Variants in CDC42 observed in about 807,000 individuals in gnomAD.
The protein encoded by CDC42 is cell division control protein 42 homolog.
A neutral mutation model predicts 20.8 loss-of-function variants in CDC42; 1 was observed. The ratio of observed to expected loss-of-function variants is 0.05; its 90% CI spans 0.02 to 0.23. The LOEUF (loss-of-function observed/expected upper bound fraction) is 0.23, where lower values mean the gene tolerates loss of function less well. Ranked by LOEUF, CDC42 falls within the 10% of genes least tolerant of loss-of-function variation. CDC42 has a pLI of 1.00. For missense variants in CDC42, 49 were observed against 227.9 expected (o/e 0.21, Z 5.05); for synonymous variants, 72 against 84.8 (o/e 0.85, Z 0.83).
At chr1:22,086,614 T>C in intron 4 of CDC42, 55 bp from the exon 5 acceptor site, 1 of 1,591,212 alleles carries the variant, frequency 6.3e-7, no homozygotes, top group Non-Finnish European at 8.6e-7. Flanking sequence ...CTGTTATAAA[T>C]AGCATTAGAG....
rs1262842519 is a variant in CDC42, at chr1:22,096,848, A to G, written c.*5331A>G. ...GGTTGCTACCTGCTAGAACTGTTAC[A>G]GTAAATACACAGATCTATTTTGTGA... On this transcript the variant is annotated 3_prime_UTR_variant, in exon 6 of 6. Coordinates refer to ENST00000656825, the MANE Select transcript of CDC42 (RefSeq NM_001791.4). Among the ~76,000 whole-genome samples, 1 of 152,264 alleles carries G rather than the reference A, an allele frequency of 6.6e-6. No individual in the cohort carries two copies. Among genetic ancestry groups the G allele is most frequent in the East Asian group, 1.9e-4 (1 of 5,202 alleles).
At chr1:22,071,266 G>C (rs182440296) in intron 1 of CDC42, among the ~76,000 whole-genome samples, 13 of 151,758 alleles carry the variant, frequency 8.6e-5, no homozygotes, top group African/African-American at 1.2e-4. Flanking sequence ...GGATGGTCTC[G>C]ATCTCCTGAC....
In CDC42 at chr1:22,096,817, G is replaced by T. The variant is rs1645761687; in HGVS notation, c.*5300G>T. Reference sequence around the variant, plus strand: ...TAGTGATTTTATTTTCCAAAGCAAGGCATTTGGTTGCTACCTGCTAGAACT... The same window carrying T: ...TAGTGATTTTATTTTCCAAAGCAAGTCATTTGGTTGCTACCTGCTAGAACT... On this transcript the variant is annotated 3_prime_UTR_variant, in exon 6 of 6. Transcript: ENST00000656825. 6.6e-6 allele frequency among the ~76,000 whole-genome samples: 1 copy of T among 152,240 alleles called. No individual in the cohort carries two copies. The highest frequency in any genetic ancestry group is 2.1e-4 in the South Asian group (1 of 4,838).
At chr1:22,058,793 C>T (rs570096318) in intron 1 of CDC42, among the ~76,000 whole-genome samples, 1 of 152,098 alleles carries the variant, frequency 6.6e-6, no homozygotes, top group Admixed American at 6.6e-5. Flanking sequence ...ACCACCGCAC[C>T]CAGCCGAATT....
chr1:22,098,220 C>T lies in CDC42; in HGVS notation c.*6703C>T, dbSNP rs980840030. Among the ~76,000 whole-genome samples the T allele has an allele frequency of 6.6e-6, 1 of 152,108 alleles. No individual in the cohort carries two copies. Among genetic ancestry groups the T allele is most frequent in the African/African-American group, 2.4e-5 (1 of 41,414 alleles). On this transcript the variant is annotated 3_prime_UTR_variant, in exon 6 of 6. Transcript: ENST00000656825. ...GCATTATTACTCCTAACAACGTGCC[C>T]TTTGGCAGGTAGCTTCCACTTTTCT...
At position 22,097,564 on chromosome 1, in the gene CDC42, G is replaced by A. The variant is rs1645766069; in HGVS notation, c.*6047G>A. On this transcript the variant is annotated 3_prime_UTR_variant, in exon 6 of 6. Transcript: ENST00000656825. ...GCCTGAAATGTGTATTCTTAAGTCC[G>A]CCTTTCAAAGTTGAGTACTGCATTC... is the stretch of plus-strand genomic sequence containing the variant. Among the ~76,000 whole-genome samples, 1 of 152,306 alleles carries A rather than the reference G, an allele frequency of 6.6e-6. No homozygotes were observed. The highest frequency in any genetic ancestry group is 1.5e-5 in the Non-Finnish European group (1 of 68,036).
Position 22,088,882 on chromosome 1 carries a change from A to G in CDC42, c.486+2016A>G, listed in dbSNP as rs1645688492. Among the ~76,000 whole-genome samples the G allele has an allele frequency of 2.6e-5, 4 of 152,138 alleles. No individual in the cohort carries two copies. The South Asian group carries it at 6.2e-4, about 24-fold the overall frequency. ...ACTTTGTAAATGATGTAGAAAGAGG[A>G]AGGCTTTTTAACTTTTGCTGCTTTT... On this transcript the variant is annotated intron_variant, in intron 5 of 5. Coordinates refer to ENST00000656825, the MANE Select transcript of CDC42 (RefSeq NM_001791.4).
Position 22,098,385 on chromosome 1 carries a change from G to A in CDC42, c.*6868G>A, listed in dbSNP as rs1645770789. On this transcript the variant is annotated 3_prime_UTR_variant, in exon 6 of 6. Coordinates refer to ENST00000656825, the MANE Select transcript of CDC42 (RefSeq NM_001791.4). ...GATTCTGAATCTGTAAGTATGCAAT[G>A]GGACCTGAGAATCAATCTAATTTCT... Among the ~76,000 whole-genome samples, 1 of 152,112 alleles carries A rather than the reference G, an allele frequency of 6.6e-6. No individual in the cohort carries two copies. The highest frequency in any genetic ancestry group is 1.5e-5 in the Non-Finnish European group (1 of 68,000).
chr1:22,067,795 A>G (rs919698795), intron 1 of CDC42, among the ~76,000 whole-genome samples: 14 of 152,300 alleles, frequency 9.2e-5, no homozygotes, highest in Admixed American at 2.6e-4. Context: ...CCTTCTAACA[A>G]CGTCACACTG....
At chr1:22,079,611 G>A (rs1048356670) in intron 2 of CDC42, among the ~76,000 whole-genome samples, 2 of 151,986 alleles carry the variant, frequency 1.3e-5, no homozygotes, top group Admixed American at 1.3e-4. Context: ...AGAATTTGAA[G>A]GTATTATTAA....
At chr1:22,061,776 G>C (rs1050201319) in intron 1 of CDC42, among the ~76,000 whole-genome samples, 4 of 151,474 alleles carry the variant, frequency 2.6e-5, no homozygotes, top group African/African-American at 9.7e-5. Context: ...GGCCAGGCTG[G>C]TCTCGAACTC....
chr1:22,077,172 T>A (rs1311471861), intron 1 of CDC42, among the ~76,000 whole-genome samples: 1 of 151,938 alleles, frequency 6.6e-6, no homozygotes, highest in South Asian at 2.1e-4. Flanking sequence ...AAGAAAAATA[T>A]ACTGCAGATA....
chr1:22,053,072 G>A (rs1481143374), intron 1 of CDC42, among the ~76,000 whole-genome samples: 7 of 151,254 alleles, frequency 4.6e-5, no homozygotes, highest in East Asian at 3.9e-4. Flanking sequence ...CATCCTGGGC[G>A]CCCGGGCTCC....
chr1:22,083,688 CA>C lies in CDC42; in HGVS notation c.178+1895del, dbSNP rs530392809. Among the ~76,000 whole-genome samples the C allele has an allele frequency of 1.1e-4, 16 of 152,020 alleles. No homozygotes were observed. The South Asian group carries it at 3.1e-3, about 30-fold the overall frequency. ...ATAATAAAATGTGTAACATTTTTAT[CA>C]CCCCTCAAATTTTCTGTGGTGAGTT... On this transcript the variant is annotated intron_variant, in intron 3 of 5. Coordinates refer to ENST00000656825, the MANE Select transcript of CDC42 (RefSeq NM_001791.4).
chr1:22,081,319 A>G (rs923455753), intron 2 of CDC42, among the ~76,000 whole-genome samples: 2 of 152,202 alleles, frequency 1.3e-5, no homozygotes, highest in African/African-American at 4.8e-5. Context: ...TGGATCTAGG[A>G]TATTTTATTT....
chr1:22,080,290 A>C (rs992989163), intron 2 of CDC42, among the ~76,000 whole-genome samples: 1 of 152,224 alleles, frequency 6.6e-6, no homozygotes, highest in Non-Finnish European at 1.5e-5. Flanking sequence ...ACAATCTAGT[A>C]AAGGAGGGTT....
At chr1:22,086,968 A>G in intron 5 of CDC42, 102 bp downstream of exon 5, 1 of 932,864 alleles carries the variant, frequency 1.1e-6, no homozygotes, top group Non-Finnish European at 1.7e-6. Flanking sequence ...GTGCTCAAAG[A>G]TGCCCAGCAA....
At chr1:22,054,755 A>G (rs1339821848) in intron 1 of CDC42, among the ~76,000 whole-genome samples, 5 of 151,650 alleles carry the variant, frequency 3.3e-5, no homozygotes, top group Non-Finnish European at 1.5e-5. Context: ...TACATTTGTT[A>G]GCCTTGATGT....
chr1:22,098,786 T>C lies in CDC42; in HGVS notation c.*7269T>C, dbSNP rs1645772679. ...ACTTATTTATTTTTTGGAGACAGGG[T>C]CTCACTCTGTCACCCAGGCTGGAGT... On this transcript the variant is annotated 3_prime_UTR_variant, in exon 6 of 6. Transcript: ENST00000656825. Among the ~76,000 whole-genome samples, 1 of 152,096 alleles carries C rather than the reference T, an allele frequency of 6.6e-6. No homozygotes were observed. The highest frequency in any genetic ancestry group is 1.9e-4 in the East Asian group (1 of 5,186).
Sources: gnomAD v4.1 joint callset for allele counts (sites outside exome capture counted in the v4.1 genomes callset) on GRCh38, gnomAD v4.1.1 for gene constraint, MANE v1.5 for transcripts, NCBI Gene and HGNC (gene_info 2026-07-23, HGNC 2026-07-21) for gene names.